The following SLC9D1 variants were observed in gnomAD, a reference collection of about 807,000 sequenced individuals.
SLC9D1 encodes solute carrier family 9 member D1.
chr13:113,492,424 C>CA, the SLC9D1 span, among the ~76,000 whole-genome samples: 1 of 152,206 alleles, frequency 6.6e-6, no homozygotes, highest in Non-Finnish European at 1.5e-5. Context: ...TAGCACCTTG[C>CA]AAAACCATAG....
the SLC9D1 span, among the ~76,000 whole-genome samples, chr13:113,541,484 T>A: frequency 3.9e-5 from 5 of 127,436 alleles, no homozygotes; most frequent in African/African-American, 7.2e-5. Flanking sequence ...CCATGCTTTA[T>A]TACCGCCGAG....
the SLC9D1 span, among the ~76,000 whole-genome samples, chr13:113,513,392 CAGAG>C: frequency 6.6e-6 from 1 of 151,980 alleles, no homozygotes; most frequent in African/African-American, 2.4e-5. Context: ...AGCAGGGAGA[CAGAG>C]GGGGCTAGAA....
the SLC9D1 span, chr13:113,527,203 G>A: frequency 6.6e-6 from 1 of 152,152 alleles, no homozygotes; most frequent in African/African-American, 2.4e-5. Context: ...CATCAAATAC[G>A]ATTTTGAAAA....
the SLC9D1 span, chr13:113,527,264 C>T: frequency 4.6e-5 from 7 of 152,214 alleles, no homozygotes; most frequent in Admixed American, 3.9e-4. Context: ...TTTACCCATT[C>T]TGGTGTTCTT....
chr13:113,492,871 C>A, the SLC9D1 span, among the ~76,000 whole-genome samples: 2 of 152,228 alleles, frequency 1.3e-5, no homozygotes, highest in African/African-American at 4.8e-5. Context: ...GCACTCCAGC[C>A]TGGGTGACAA....
At chr13:113,495,966 G>T in the SLC9D1 span, 4 of 1,613,780 alleles carry the variant, frequency 2.5e-6, no homozygotes, top group Non-Finnish European at 3.4e-6. Flanking sequence ...CAAAGATGTC[G>T]TGAACATGAA....
At chr13:113,496,095 T>G in the SLC9D1 span, 28 of 1,028,140 alleles carry the variant, frequency 2.7e-5, no homozygotes, top group Non-Finnish European at 3.4e-5. Flanking sequence ...GGAGAGTGCG[T>G]GCCCACATCC....
At chr13:113,524,815 ATTTT>A in the SLC9D1 span, among the ~76,000 whole-genome samples, 1 of 151,854 alleles carries the variant, frequency 6.6e-6, no homozygotes, top group African/African-American at 2.4e-5. Context: ...TTGTTGGATG[ATTTT>A]TTTAAATCCA....
At chr13:113,498,477 C>T in the SLC9D1 span, 2 of 1,593,246 alleles carry the variant, frequency 1.3e-6, no homozygotes, top group African/African-American at 2.7e-5. Flanking sequence ...AGCGGATCGT[C>T]TGGAGGAAGA....
the SLC9D1 span, among the ~76,000 whole-genome samples, chr13:113,518,738 A>G: frequency 6.6e-6 from 1 of 152,328 alleles, no homozygotes; most frequent in South Asian, 2.1e-4. Context: ...CGCATGGACA[A>G]TATTAGTTGG....
At chr13:113,498,405 A>G in the SLC9D1 span, 3 of 1,580,818 alleles carry the variant, frequency 1.9e-6, no homozygotes, top group Admixed American at 6.0e-5. Flanking sequence ...CCTTAAAAAT[A>G]TGCAACATCA....
chr13:113,498,397 T>C, the SLC9D1 span: 1 of 1,578,320 alleles, frequency 6.3e-7, no homozygotes, highest in Middle Eastern at 1.7e-4. Context: ...GTTGAAGCCC[T>C]TAAAAATATG....
chr13:113,515,171 C>A, the SLC9D1 span, among the ~76,000 whole-genome samples: 1 of 152,178 alleles, frequency 6.6e-6, no homozygotes. Context: ...CTAGAAAATT[C>A]TTGCAAATTA....
At chr13:113,491,329 C>T in the SLC9D1 span, 1 of 152,684 alleles carries the variant, frequency 6.5e-6, no homozygotes, top group African/African-American at 2.4e-5. Context: ...TTCCTTCCCT[C>T]CCTCCCTGGG....
chr13:113,531,880 A>G, the SLC9D1 span, among the ~76,000 whole-genome samples: 3 of 152,232 alleles, frequency 2.0e-5, no homozygotes, highest in Non-Finnish European at 4.4e-5. Context: ...TCTTCTGGGA[A>G]TTAGACCTAA....
At chr13:113,501,815 C>T in the SLC9D1 span, 2 of 1,608,882 alleles carry the variant, frequency 1.2e-6, no homozygotes, top group South Asian at 2.2e-5. Context: ...CATAGGATTG[C>T]CTACAATGTT....
At chr13:113,504,869 C>G in the SLC9D1 span, 2 of 152,196 alleles carry the variant, frequency 1.3e-5, no homozygotes, top group Non-Finnish European at 2.9e-5. Flanking sequence ...ACTTTTAGTT[C>G]TCTGAGCAAC....
chr13:113,518,408 T>A, the SLC9D1 span, among the ~76,000 whole-genome samples: 1 of 152,204 alleles, frequency 6.6e-6, no homozygotes, highest in East Asian at 1.9e-4. Flanking sequence ...TGTCTGTTGA[T>A]TTCAGCCAGT....
chr13:113,544,395 G>T, the SLC9D1 span, among the ~76,000 whole-genome samples: 4 of 152,180 alleles, frequency 2.6e-5, no homozygotes, highest in Admixed American at 2.0e-4. Context: ...TGGACGGCAC[G>T]TGGCAGTGTG....
Sources: gnomAD v4.1 joint callset for allele counts (sites outside exome capture counted in the v4.1 genomes callset) on GRCh38, gnomAD v4.1.1 for gene constraint, MANE v1.5 for transcripts, NCBI Gene and HGNC (gene_info 2026-07-23, HGNC 2026-07-21) for gene names.